Variants in SNAP25 observed in about 807,000 individuals in gnomAD.
The protein encoded by SNAP25 is synaptosomal-associated protein 25.
SNAP25 carries 3 observed loss-of-function variants against 28.7 expected under a neutral mutation model. That is an observed-to-expected ratio of 0.10 (90% CI 0.05 to 0.27). The LOEUF (loss-of-function observed/expected upper bound fraction) is 0.27. Among genes scored for constraint, SNAP25 ranks in the 10% least tolerant of loss-of-function variants. The pLI is 1.00. For missense variants in SNAP25, 117 were observed against 278.7 expected (o/e 0.42, Z 4.13); for synonymous variants, 61 against 88.1 (o/e 0.69, Z 1.72).
At chr20:10,233,387 G>T (rs896833901) in intron 1 of SNAP25, among the ~76,000 whole-genome samples, 1 of 152,076 alleles carries the variant, frequency 6.6e-6, no homozygotes, top group African/African-American at 2.4e-5. Flanking sequence ...GAAAAGATAT[G>T]AATGTGATTC....
intron 1 of SNAP25, among the ~76,000 whole-genome samples, chr20:10,239,597 C>T (rs1225453265): frequency 6.6e-6 from 1 of 152,220 alleles, no homozygotes; most frequent in Non-Finnish European, 1.5e-5. Context: ...ACTGAGCGCT[C>T]TATGCATATG....
chr20:10,284,794 A>G (rs1236135102), intron 4 of SNAP25, 22 bp downstream of exon 4: 4 of 1,591,788 alleles, frequency 2.5e-6, no homozygotes, highest in Admixed American at 1.7e-5. Flanking sequence ...TTTCTTCAGT[A>G]AGAACAATTC....
chr20:10,277,819 C>A (rs765620932), intron 3 of SNAP25, 93 bp downstream of exon 3: 9 of 1,157,362 alleles, frequency 7.8e-6, no homozygotes, highest in African/African-American at 6.1e-5. Context: ...GGGCCATGAT[C>A]CCCTAGATTC....
At chr20:10,228,363 C>T (rs1050885333) in intron 1 of SNAP25, among the ~76,000 whole-genome samples, 2 of 152,122 alleles carry the variant, frequency 1.3e-5, no homozygotes, top group Non-Finnish European at 2.9e-5. Context: ...CCCCACCACC[C>T]CATAAATTAT....
At chr20:10,291,475 T>C (rs1469829233) in intron 4 of SNAP25, among the ~76,000 whole-genome samples, 1 of 152,234 alleles carries the variant, frequency 6.6e-6, no homozygotes, top group Non-Finnish European at 1.5e-5. Context: ...TATTCAATGC[T>C]GGATAAACAA....
At chr20:10,276,823 T>G (rs1266486178) in intron 2 of SNAP25, among the ~76,000 whole-genome samples, 1 of 152,252 alleles carries the variant, frequency 6.6e-6, no homozygotes, top group East Asian at 1.9e-4. Flanking sequence ...TAAACTTGAA[T>G]ACATGTATGT....
intron 3 of SNAP25, among the ~76,000 whole-genome samples, chr20:10,281,033 G>C (rs973208624): frequency 6.6e-6 from 1 of 152,058 alleles, no homozygotes; most frequent in Non-Finnish European, 1.5e-5. Flanking sequence ...GCAAAAGAAA[G>C]ATTTGAAACG....
At chr20:10,277,212 T>A (rs1167769535) in intron 2 of SNAP25, among the ~76,000 whole-genome samples, 1 of 152,236 alleles carries the variant, frequency 6.6e-6, no homozygotes, top group Non-Finnish European at 1.5e-5. Flanking sequence ...GGCAACAACT[T>A]AATTTGTATT....
intron 7 of SNAP25, 81 bp from the exon 8 acceptor site, chr20:10,306,048 G>A: frequency 7.5e-7 from 1 of 1,328,758 alleles, no homozygotes; most frequent in South Asian, 1.2e-5. Flanking sequence ...CACCCAAGAG[G>A]AAGCATTGGA....
At chr20:10,227,601 A>G (rs955345397) in intron 1 of SNAP25, among the ~76,000 whole-genome samples, 1 of 152,176 alleles carries the variant, frequency 6.6e-6, no homozygotes, top group East Asian at 1.9e-4. Flanking sequence ...GGCAAATGGT[A>G]TAATATTCTA....
intron 1 of SNAP25, among the ~76,000 whole-genome samples, chr20:10,265,826 T>C (rs1045835968): frequency 6.6e-5 from 10 of 152,096 alleles, no homozygotes; most frequent in Non-Finnish European, 1.5e-4. Context: ...GATAATGTGA[T>C]TTAGGGCAGC....
At chr20:10,281,779 T>G (rs376868683) in intron 3 of SNAP25, among the ~76,000 whole-genome samples, 14 of 152,192 alleles carry the variant, frequency 9.2e-5, no homozygotes, top group African/African-American at 3.4e-4. Context: ...TGGATTGAGA[T>G]TCTACTCAAT....
chr20:10,280,286 A>G (rs952619547), intron 3 of SNAP25, among the ~76,000 whole-genome samples: 3 of 152,212 alleles, frequency 2.0e-5, no homozygotes, highest in African/African-American at 7.2e-5. Flanking sequence ...TCTCAAGGAT[A>G]GTGTAAAACT....
At chr20:10,241,344 C>T (rs887312898) in intron 1 of SNAP25, among the ~76,000 whole-genome samples, 1 of 152,096 alleles carries the variant, frequency 6.6e-6, no homozygotes, top group African/African-American at 2.4e-5. Flanking sequence ...ACAGTTGCAG[C>T]CCCCGGGTCC....
chr20:10,301,896 G>T (rs6039822), intron 7 of SNAP25, among the ~76,000 whole-genome samples: 1 of 146,000 alleles, frequency 6.8e-6, no homozygotes, highest in Admixed American at 6.9e-5. Flanking sequence ...TATATTATAT[G>T]TATATGGTTA....
intron 1 of SNAP25, among the ~76,000 whole-genome samples, chr20:10,260,445 AAAAC>A (rs1319160413): frequency 6.6e-6 from 1 of 151,860 alleles, no homozygotes. Flanking sequence ...AGATCAGATT[AAAAC>A]AAACAAACAA....
Position 10,293,024 on chromosome 20 carries a change from T to A in SNAP25, c.164-137T>A. On this transcript the variant is annotated intron_variant, in intron 4 of 7. Transcript: ENST00000254976. This position sits in a 1 kb window ranked among gnomAD's most constrained non-coding sequence, Gnocchi z 5.6. ...AGTAGGTACTGGGTACCAGCTCTAA[T>A]CTGTGGCGTCCAGTTTTCTTTCTTT... 2 of 1,486,888 alleles carry A rather than the reference T, an allele frequency of 1.3e-6. No individual in the cohort carries two copies. Among genetic ancestry groups the A allele is most frequent in the Non-Finnish European group, 1.8e-6 (2 of 1,091,184 alleles). 92.1% of individuals were successfully genotyped at this position (1,486,888 alleles called of 1,614,324 possible).
intron 1 of SNAP25, among the ~76,000 whole-genome samples, chr20:10,258,382 T>C (rs1270750745): frequency 6.6e-6 from 1 of 152,254 alleles, no homozygotes; most frequent in African/African-American, 2.4e-5. Flanking sequence ...ATGAGACTCA[T>C]GTTTTTAACT....
At chr20:10,241,600 G>T (rs546328915) in intron 1 of SNAP25, among the ~76,000 whole-genome samples, 1 of 152,148 alleles carries the variant, frequency 6.6e-6, no homozygotes, top group South Asian at 2.1e-4. Flanking sequence ...CGAGAGAGAC[G>T]GGTCAGGGAA....
Sources: allele counts gnomAD v4.1 joint callset (sites outside exome capture counted in the v4.1 genomes callset), GRCh38; gene constraint gnomAD v4.1.1; non-coding constraint Gnocchi (gnomAD v3.1); transcripts MANE v1.5; gene names NCBI Gene and HGNC (gene_info 2026-07-23, HGNC 2026-07-21).